COL28A1: variants seen among roughly 807,000 people sequenced by gnomAD.
COL28A1 encodes the protein collagen type XXVIII alpha 1 chain, also known as collagen alpha-1(XXVIII) chain.
In COL28A1, 161 loss-of-function variants were observed where a neutral mutation model predicts 150.2. The ratio of observed to expected loss-of-function variants is 1.07; its 90% CI spans 0.94 to 1.22. COL28A1 has a LOEUF of 1.22. Ranked by LOEUF, COL28A1 falls within the 50% of genes most tolerant of loss-of-function variation. COL28A1 has a pLI of 0.00. For synonymous variants in COL28A1, 552 were observed against 469.7 expected, an observed-to-expected ratio of 1.18 and a Z score of -2.26; for missense variants, 1,617 against 1,388.3, an observed-to-expected ratio of 1.16 and a Z score of -2.62.
chr7:7,471,311 T>A (rs1788407481), intron 15 of COL28A1, among the ~76,000 whole-genome samples: 1 of 151,902 alleles, frequency 6.6e-6, no homozygotes, highest in Admixed American at 6.6e-5. Context: ...GAATTATCAA[T>A]CCTATTGACA....
chr7:7,461,353 T>G (rs1438950890), intron 15 of COL28A1, among the ~76,000 whole-genome samples: 1 of 152,164 alleles, frequency 6.6e-6, no homozygotes, highest in African/African-American at 2.4e-5. Context: ...AACTGAATTC[T>G]GTAATAATTT....
At chr7:7,415,834 A>C (rs1333383484) in intron 27 of COL28A1, among the ~76,000 whole-genome samples, 1 of 151,394 alleles carries the variant, frequency 6.6e-6, no homozygotes, top group Non-Finnish European at 1.5e-5. Flanking sequence ...ACAAGGTCTC[A>C]CTCTGTCATC....
In COL28A1 at chr7:7,417,699, T is replaced by G; in HGVS notation, c.2136+160A>C. 4 of 676,696 alleles carry G rather than the reference T, an allele frequency of 5.9e-6. No homozygotes were observed. In the South Asian group the frequency reaches 6.6e-5, roughly 11 times the overall value. 41.9% of individuals were successfully genotyped at this position (676,696 alleles called of 1,614,324 possible). On this transcript the variant is annotated intron_variant, in intron 27 of 34. Transcript: ENST00000399429. ...CTGAAGTATTGTACTCATACCATTT[T>G]TACACTTCCAGATGATGTCTCTAAA...
At chr7:7,475,565 C>T (rs1433647271) in intron 14 of COL28A1, among the ~76,000 whole-genome samples, 1 of 152,072 alleles carries the variant, frequency 6.6e-6, no homozygotes, top group Non-Finnish European at 1.5e-5. Context: ...TATGATAATA[C>T]CTCATATAAT....
Position 7,476,569 on chromosome 7 carries a change from A to G in COL28A1, c.1233+543T>C, listed in dbSNP as rs546427173. 3.9e-5 allele frequency among the ~76,000 whole-genome samples: 6 copies of G among 152,342 alleles called. No individual in the cohort carries two copies. In the East Asian group the frequency reaches 5.8e-4, roughly 15 times the overall value. ...TATTTGCTATCTGCCCCTTTACAGAAAAAGTTTGCCAACCTTTGGTGCAGA... is the reference window on the plus strand; with the variant it reads ...TATTTGCTATCTGCCCCTTTACAGAGAAAGTTTGCCAACCTTTGGTGCAGA... On this transcript the variant is annotated intron_variant, in intron 14 of 34. Transcript: ENST00000399429.
At chr7:7,461,820 G>A (rs1787652617) in intron 15 of COL28A1, among the ~76,000 whole-genome samples, 1 of 152,150 alleles carries the variant, frequency 6.6e-6, no homozygotes, top group African/African-American at 2.4e-5. Flanking sequence ...GGTAACTGAA[G>A]ACAAAGGGCA....
intron 27 of COL28A1, among the ~76,000 whole-genome samples, chr7:7,402,167 A>G (rs1783242465): frequency 6.6e-6 from 1 of 152,198 alleles, no homozygotes; most frequent in Non-Finnish European, 1.5e-5. Context: ...ACTCTGGGAA[A>G]CTGTTTTGCA....
At chr7:7,496,267 T>C (rs999397329) in intron 11 of COL28A1, among the ~76,000 whole-genome samples, 2 of 152,216 alleles carry the variant, frequency 1.3e-5, no homozygotes, top group Non-Finnish European at 2.9e-5. Context: ...TTTGTTCAGC[T>C]TTGCATTCTC....
At position 7,373,614 on chromosome 7, in the gene COL28A1, AG is replaced by A; in HGVS notation, c.2360-69del. On this transcript the variant is annotated intron_variant, in intron 31 of 34. Transcript: ENST00000399429. This position sits in a 1 kb window ranked among gnomAD's most constrained non-coding sequence, Gnocchi z 4.1. ...GACATCAGATTGTTGAGGGGAGGGG[AG>A]AAAAAGTCAATGATGAACCTGAGAC... is the stretch of plus-strand genomic sequence containing the variant. 7.6e-7 allele frequency: 1 copy of A among 1,319,758 alleles called. No homozygotes were observed. Among genetic ancestry groups the A allele is most frequent in the South Asian group, 1.3e-5 (1 of 75,744 alleles). 81.8% of individuals were successfully genotyped at this position (1,319,758 alleles called of 1,614,324 possible).
chr7:7,341,652 ATCTC>A, the COL28A1 span, among the ~76,000 whole-genome samples: 152 of 152,166 alleles, frequency 1.0e-3, 2 homozygotes, highest in Middle Eastern at 3.4e-3. Context: ...TCCTTCAATT[ATCTC>A]TCTCTAGGTA....
intron 25 of COL28A1, among the ~76,000 whole-genome samples, chr7:7,426,411 G>C (rs115401707): frequency 0.024 from 3,636 of 152,284 alleles, 123 homozygotes; most frequent in African/African-American, 0.076. Context: ...GTCAATGGAA[G>C]TTTTAGAGGC....
intron 3 of COL28A1, among the ~76,000 whole-genome samples, chr7:7,524,456 T>A (rs956652767): frequency 4.6e-5 from 7 of 152,210 alleles, no homozygotes; most frequent in African/African-American, 1.7e-4. Context: ...ATAACTACCA[T>A]TAAAAATTAA....
chr7:7,526,284 G>C (rs1048216563), intron 3 of COL28A1, among the ~76,000 whole-genome samples: 1 of 152,076 alleles, frequency 6.6e-6, no homozygotes, highest in Non-Finnish European at 1.5e-5. Context: ...TAAAATAATT[G>C]CCAATAGTGG....
At chr7:7,449,525 T>C (rs936340632) in intron 18 of COL28A1, among the ~76,000 whole-genome samples, 1 of 148,720 alleles carries the variant, frequency 6.7e-6, no homozygotes, top group African/African-American at 2.6e-5. Context: ...ATCCTAGCAG[T>C]ACAAAATGAT....
chr7:7,404,809 T>G (rs1173789918), intron 27 of COL28A1, among the ~76,000 whole-genome samples: 1 of 152,186 alleles, frequency 6.6e-6, no homozygotes, highest in Non-Finnish European at 1.5e-5. Flanking sequence ...TTGTCTCTTT[T>G]GCTTATGATA....
At chr7:7,372,067 G>A (rs766290318) in intron 32 of COL28A1, among the ~76,000 whole-genome samples, 5 of 151,886 alleles carry the variant, frequency 3.3e-5, no homozygotes, top group African/African-American at 9.7e-5. Flanking sequence ...TCCTGACCTC[G>A]TGATCCACTG....
At chr7:7,476,294 A>G (rs1191808783) in intron 14 of COL28A1, among the ~76,000 whole-genome samples, 2 of 152,218 alleles carry the variant, frequency 1.3e-5, no homozygotes, top group Non-Finnish European at 2.9e-5. Context: ...GATGCTGCTC[A>G]TTTTGGAAAA....
the COL28A1 span, among the ~76,000 whole-genome samples, chr7:7,350,075 C>T: frequency 0.62 from 93,496 of 151,936 alleles, 32,658 homozygotes; most frequent in East Asian, 0.87. Context: ...GGGCCCTTAA[C>T]GCATTTGAAG....
At chr7:7,517,140 T>G (rs1194810043) in intron 7 of COL28A1, among the ~76,000 whole-genome samples, 2 of 152,164 alleles carry the variant, frequency 1.3e-5, no homozygotes, top group Admixed American at 6.5e-5. Flanking sequence ...CTATCAGATT[T>G]TTTAATGAAG....
Sources: gnomAD v4.1 joint callset for allele counts (sites outside exome capture counted in the v4.1 genomes callset) on GRCh38, gnomAD v4.1.1 for gene constraint, Gnocchi (gnomAD v3.1) non-coding constraint, MANE v1.5 for transcripts, NCBI Gene and HGNC (gene_info 2026-07-23, HGNC 2026-07-21) for gene names.